The following CARMIL2 variants were observed in gnomAD, a reference collection of about 807,000 sequenced individuals.
CARMIL2 encodes capping protein regulator and myosin 1 linker 2.
CARMIL2 carries 96 observed loss-of-function variants against 173.3 expected under a neutral mutation model. The observed-to-expected ratio is 0.55, with a 90% CI of 0.47 to 0.66. The LOEUF is 0.66. Ranked by LOEUF, CARMIL2 falls within the 30% of genes least tolerant of loss-of-function variation. The pLI is 0.00. For synonymous variants in CARMIL2, 830 were observed against 817.1 expected, an observed-to-expected ratio of 1.02 and a Z score of -0.27; for missense variants, 1,771 against 1,906.7, an observed-to-expected ratio of 0.93 and a Z score of 1.33.
Position 67,656,030 on chromosome 16 carries a change from G to A in CARMIL2, c.3706-1G>A, listed in dbSNP as rs113546812. 6.3e-7 allele frequency: 1 copy of A among 1,594,178 alleles called. No homozygotes were observed. The highest frequency in any genetic ancestry group is 1.3e-5 in the African/African-American group (1 of 74,690). On this transcript the variant is annotated splice_acceptor_variant, in intron 32 of 37. Coordinates refer to ENST00000334583, the MANE Select transcript of CARMIL2 (RefSeq NM_001013838.3). LOFTEE classifies it high-confidence loss of function. The stretch of plus-strand genomic sequence containing the variant: ...GAATCTGATTGCCCTGTTTCCTGCA[G>A]AGCAAAGATGGCGAGATCAAGAAAG...
In CARMIL2 at chr16:67,647,891, A is replaced by T; in HGVS notation, c.1004A>T (p.Asp335Val). 6.2e-7 allele frequency: 1 copy of T among 1,608,892 alleles called. No homozygotes were observed. Among genetic ancestry groups the T allele is most frequent in the Non-Finnish European group, 8.5e-7 (1 of 1,178,164 alleles). The change falls in exon 13 of 38, where the codon GAC becomes GTC. Residue 335 changes from aspartate (D) to valine (V), a missense_variant. Physicochemically the swap from Asp to Val is radical, Grantham distance 152. Coordinates refer to ENST00000334583, the MANE Select transcript of CARMIL2 (RefSeq NM_001013838.3). ...GRALATNAAF[D>V]STLTHLDLSG... ...GCACTGGCCACCAATGCCGCCTTCG[A>T]CTCCACCCTGACCCACCTGGACCTT...
At chr16:67,656,106 G>C in intron 33 of CARMIL2, 39 bp downstream of exon 33, 1 of 1,610,442 alleles carries the variant, frequency 6.2e-7, no homozygotes, top group Non-Finnish European at 8.5e-7. Flanking sequence ...CATTTGCCAG[G>C]AGGTGTCCTT....
chr16:67,655,132 T>C (rs965645652), intron 32 of CARMIL2, among the ~76,000 whole-genome samples: 3 of 152,228 alleles, frequency 2.0e-5, no homozygotes, highest in Non-Finnish European at 2.9e-5. Flanking sequence ...GCAGGTCTAA[T>C]AGAAATCTGA....
Position 67,647,742 on chromosome 16 carries a change from G to T in CARMIL2, c.934G>T (p.Ala312Ser). ...CPGALRRLSL[A>S]QTGLTPRGMR... ...AGGAGCCCTGAGGAGACTCAGCCTGGCCCAGACAGGGTTGACACCGCGAGG... is the reference window on the plus strand; with the variant it reads ...AGGAGCCCTGAGGAGACTCAGCCTGTCCCAGACAGGGTTGACACCGCGAGG... Residue 312 changes from alanine (A) to serine (S), a missense_variant, in exon 12 of 38, where the codon GCC becomes TCC. By Grantham distance (99) the Ala-to-Ser change is moderately conservative. This residue lies in a region of CARMIL2 where 944 missense variants were observed against 975.6 expected (regional missense o/e 0.97). Transcript: ENST00000334583. The T allele has an allele frequency of 7.5e-7, 1 of 1,329,746 alleles. No homozygotes were observed. Among genetic ancestry groups the T allele is most frequent in the East Asian group, 5.1e-5 (1 of 19,612 alleles). 82.4% of individuals were successfully genotyped at this position (1,329,746 alleles called of 1,614,324 possible). A position where few individuals can be genotyped will look rare whatever the true frequency, so the allele number is the denominator to read the frequency against.
Position 67,656,432 on chromosome 16 carries a change from T to C in CARMIL2, c.3823T>C (p.Cys1275Arg). ...RTHSVSADPS[C>R]RPGPGSQGPE... Reference sequence around the variant, plus strand: ...CACCTTTCTCCCTACAGACCCTTCCTGCAGACCTGGCCCAGGGAGCCAGGG... The same window carrying C: ...CACCTTTCTCCCTACAGACCCTTCCCGCAGACCTGGCCCAGGGAGCCAGGG... Residue 1275 changes from cysteine (C) to arginine (R), a missense_variant, in exon 35 of 38, where the codon TGC becomes CGC. Around this residue, in one of 3 missense-constraint regions of CARMIL2, gnomAD observed 817 missense variants for 903.5 expected, o/e 0.90. Transcript: ENST00000334583. 1 of 1,609,386 alleles carries C rather than the reference T, an allele frequency of 6.2e-7. No homozygotes were observed. The highest frequency in any genetic ancestry group is 8.5e-7 in the Non-Finnish European group (1 of 1,177,188).
At position 67,647,183 on chromosome 16, in the gene CARMIL2, A is replaced by G; in HGVS notation, c.679A>G (p.Met227Val). Residue 227 changes from methionine (M) to valine (V), a missense_variant, in exon 9 of 38, where the codon ATG becomes GTG. This residue lies in a region of CARMIL2 where 944 missense variants were observed against 975.6 expected (regional missense o/e 0.97). Coordinates refer to ENST00000334583, the MANE Select transcript of CARMIL2 (RefSeq NM_001013838.3). ...LWFRCLSCVD[M>V]KLSLEVSEQI... Reference sequence around the variant, plus strand: ...GTTCCGGTGCCTCTCCTGTGTGGACATGAAGCTGGTGAGGGGGTTCGGGGT... The same window carrying G: ...GTTCCGGTGCCTCTCCTGTGTGGACGTGAAGCTGGTGAGGGGGTTCGGGGT... 1 of 1,613,760 alleles carries G rather than the reference A, an allele frequency of 6.2e-7. No individual in the cohort carries two copies. The highest frequency in any genetic ancestry group is 8.5e-7 in the Non-Finnish European group (1 of 1,179,836).
rs1295715062 is a variant in CARMIL2, at chr16:67,648,405, C to T, written c.1342C>T (p.Arg448Cys). ...SRNVFSRTKS[R>C]AAPAALQLFL... ...CCTTCCCACTTCCCCCAGGAAGTCC[C>T]GCGCCGCGCCGGCCGCGCTGCAGCT... Residue 448 changes from arginine to cysteine, a missense_variant, in exon 15 of 38, where the codon CGC (arginine) becomes TGC (cysteine). Arg to Cys is a radical substitution (Grantham distance 180). Transcript: ENST00000334583. The surrounding 1 kb of genome is among the most constrained non-coding windows in gnomAD (Gnocchi z 6.1). The T allele has an allele frequency of 3.9e-5, 60 of 1,526,532 alleles. No homozygotes were observed. The highest frequency in any genetic ancestry group is 4.6e-5 in the Non-Finnish European group (53 of 1,143,210). The allele number at this position is 1,526,532 out of a possible 1,614,324, so 94.6% of individuals were successfully genotyped here. A position where few individuals can be genotyped will look rare whatever the true frequency, so the allele number is the denominator to read the frequency against.
rs767034686 is a variant in CARMIL2, at chr16:67,652,381, C to T, written c.2817+42C>T. The T allele has an allele frequency of 3.1e-6, 5 of 1,611,888 alleles. No individual in the cohort carries two copies. In the South Asian group the frequency reaches 3.3e-5, roughly 11 times the overall value. ...CACGGGGCATGGCACTCCCAGTCTT[C>T]CCATCTTGCTGTGGAGTGTGGAAGG... On this transcript the variant is annotated intron_variant, in intron 27 of 37. Coordinates refer to ENST00000334583, the MANE Select transcript of CARMIL2 (RefSeq NM_001013838.3). The surrounding 1 kb of genome is among the most constrained non-coding windows in gnomAD (Gnocchi z 4.7).
At chr16:67,647,628 GGGT>G in intron 11 of CARMIL2, 26 bp downstream of exon 11, 1 of 1,603,878 alleles carries the variant, frequency 6.2e-7, no homozygotes, top group South Asian at 1.1e-5. Flanking sequence ...GGGACCGCAG[GGGT>G]GGGCAGCAGG....
rs749402635 is a variant in CARMIL2 at position 67,652,329 on chromosome 16, A to G, written c.2807A>G (p.Glu936Gly). ...GLFFPEEKEE[E>G]KEKDDSPPQK... ...TTCTTCCCCGAGGAGAAGGAAGAGG[A>G]GAAGGAGAAGGTAAGTGGTTTTAGA... Residue 936 changes from glutamate to glycine, a missense_variant, in exon 27 of 38, where the codon GAG (glutamate) becomes GGG (glycine). This residue lies in a region of CARMIL2 where 817 missense variants were observed against 903.5 expected (regional missense o/e 0.90). Transcript: ENST00000334583. The surrounding 1 kb of genome is among the most constrained non-coding windows in gnomAD (Gnocchi z 4.7). 1 of 1,581,120 alleles carries G rather than the reference A, an allele frequency of 6.3e-7. No homozygotes were observed. Among genetic ancestry groups the G allele is most frequent in the Admixed American group, 1.7e-5 (1 of 59,248 alleles).
rs762560313 is a variant in CARMIL2 at position 67,645,261 on chromosome 16, C to G, written c.15C>G (p.Pro5=). 36 of 1,602,698 alleles carry G rather than the reference C, an allele frequency of 2.2e-5. No homozygotes were observed. Among genetic ancestry groups the G allele is most frequent in the Non-Finnish European group, 3.1e-5 (36 of 1,175,490 alleles). Residue 5 remains proline, a synonymous_variant, in exon 1 of 38, where the codon CCC becomes CCG. Coordinates refer to ENST00000334583, the MANE Select transcript of CARMIL2 (RefSeq NM_001013838.3). MAQT[P]DGISCELRGE... Reference sequence around the variant, plus strand: ...CCGCCCGGCCCATGGCCCAGACCCCCGACGGCATCTCCTGTGAGCTCCGAG... The same window carrying G: ...CCGCCCGGCCCATGGCCCAGACCCCGGACGGCATCTCCTGTGAGCTCCGAG...
In CARMIL2 at chr16:67,648,451, C is replaced by G. The variant is rs574115872; in HGVS notation, c.1388C>G (p.Thr463Arg). The change falls in exon 15 of 38, where the codon ACG becomes AGG. Residue 463 changes from threonine (T) to arginine (R), a missense_variant. Physicochemically the swap from Thr to Arg is moderately conservative, Grantham distance 71 (BLOSUM62 -1). Around this residue, in one of 3 missense-constraint regions of CARMIL2, gnomAD observed 944 missense variants for 975.6 expected, o/e 0.97. Coordinates refer to ENST00000334583, the MANE Select transcript of CARMIL2 (RefSeq NM_001013838.3). This position sits in a 1 kb window ranked among gnomAD's most constrained non-coding sequence, Gnocchi z 6.1. ...CAGCTCTTCCTCAGCCGCGCGCGGACGCTGCGGCACCTGGGCCTGGCGGGC... is the reference window on the plus strand; with the variant it reads ...CAGCTCTTCCTCAGCCGCGCGCGGAGGCTGCGGCACCTGGGCCTGGCGGGC... ...ALQLFLSRAR[T>R]LRHLGLAGCK... The G allele has an allele frequency of 7.6e-6, 11 of 1,449,860 alleles. No individual in the cohort carries two copies. In the South Asian group the frequency reaches 1.1e-4, roughly 15 times the overall value. The allele number at this position is 1,449,860 out of a possible 1,614,324, so 89.8% of individuals were successfully genotyped here. A position where few individuals can be genotyped will look rare whatever the true frequency, so the allele number is the denominator to read the frequency against.
At chr16:67,654,998 T>A in intron 32 of CARMIL2, 98 bp downstream of exon 32, 1 of 1,459,220 alleles carries the variant, frequency 6.9e-7, no homozygotes, top group Non-Finnish European at 9.4e-7. Flanking sequence ...CAGATAGGTC[T>A]AATTGTCAGT....
chr16:67,656,741 A>G (rs1597763744), intron 35 of CARMIL2, 60 bp from the exon 36 acceptor site: 1 of 1,557,044 alleles, frequency 6.4e-7, no homozygotes, highest in South Asian at 1.2e-5. Flanking sequence ...TGAGGGTGGG[A>G]GGCAAGGGCT....
rs2142962971 is a variant in CARMIL2 at position 67,657,288 on chromosome 16, A to G, written c.4167A>G (p.Lys1389=). 1.2e-6 allele frequency: 2 copies of G among 1,613,398 alleles called. No homozygotes were observed. Among genetic ancestry groups the G allele is most frequent in the Non-Finnish European group, 1.7e-6 (2 of 1,179,730 alleles). ...QRSPVLKRRP[K]LEAPPSPSLG... is the part of the protein sequence containing the mutation. ...CCCCCGTCCTCAAACGCAGGCCAAA[A>G]CTCGAGGCACCTCCATCCCCAAGCC... Residue 1389 remains lysine (K), a synonymous_variant, in exon 37 of 38, where the codon AAA becomes AAG. Coordinates refer to ENST00000334583, the MANE Select transcript of CARMIL2 (RefSeq NM_001013838.3). The surrounding 1 kb of genome is among the most constrained non-coding windows in gnomAD (Gnocchi z 4.5).
At position 67,656,068 on chromosome 16, in the gene CARMIL2, G is replaced by T; in HGVS notation, c.3742+1G>T. On this transcript the variant is annotated splice_donor_variant, in intron 33 of 37. Coordinates refer to ENST00000334583, the MANE Select transcript of CARMIL2 (RefSeq NM_001013838.3). LOFTEE classifies it high-confidence loss of function. ...GAGATCAAGAAAGCTGGCTCAGATG[G>T]TAAGTGGGACCCTGGGGTGTGGCAG... is the stretch of plus-strand genomic sequence containing the variant. The T allele has an allele frequency of 1.2e-6, 2 of 1,605,436 alleles. No individual in the cohort carries two copies. The highest frequency in any genetic ancestry group is 8.5e-7 in the Non-Finnish European group (1 of 1,175,908).
Position 67,648,960 on chromosome 16 carries a change from A to T in CARMIL2, c.1577A>T (p.Asp526Val). The T allele has an allele frequency of 6.2e-7, 1 of 1,609,666 alleles. No individual in the cohort carries two copies. The highest frequency in any genetic ancestry group is 8.5e-7 in the Non-Finnish European group (1 of 1,178,244). The change falls in exon 17 of 38, where the codon GAT becomes GTT. Residue 526 changes from aspartate to valine, a missense_variant. Physicochemically the swap from Asp to Val is radical, Grantham distance 152 (BLOSUM62 -3). Transcript: ENST00000334583. This position sits in a 1 kb window ranked among gnomAD's most constrained non-coding sequence, Gnocchi z 6.1. ...GACGCAGGCGCTGTGAGCTCCCTGG[A>T]TCTGGCGGATAACGGTGAGGCTGCA... is the stretch of plus-strand genomic sequence containing the variant. The part of the protein sequence containing the change: ...VCDAGAVSSL[D>V]LADNGFGSDM...
In CARMIL2 at chr16:67,654,878, G is replaced by A. The variant is rs2052811987; in HGVS notation, c.3683G>A (p.Gly1228Asp). 1 of 1,613,766 alleles carries A rather than the reference G, an allele frequency of 6.2e-7. No individual in the cohort carries two copies. ...ATAGGCGTCAGCCGAGGCAGCGGGG[G>A]TGCCGAAGGCAAGAGGAAGCAAGTG... The part of the protein sequence containing the change: ...QRIGVSRGSG[G>D]AEGKRKQSKD... Residue 1228 changes from glycine to aspartate, a missense_variant, in exon 32 of 38, where the codon GGT becomes GAT. Physicochemically the swap from Gly to Asp is moderately conservative, Grantham distance 94. Coordinates refer to ENST00000334583, the MANE Select transcript of CARMIL2 (RefSeq NM_001013838.3).
Position 67,647,914 on chromosome 16 carries a change from CT to C in CARMIL2, c.1030del (p.Ser344LeufsTer20). On this transcript the variant is annotated frameshift_variant, in exon 13 of 38. Coordinates refer to ENST00000334583, the MANE Select transcript of CARMIL2 (RefSeq NM_001013838.3). LOFTEE classifies it high-confidence loss of function. ...AFDSTLTHLDLSGNPGALGAS... is the reference protein window; with the variant it reads ...AFDSTLTHLDXSGNPGALGAS... ...CGACTCCACCCTGACCCACCTGGAC[CT>C]TTCTGGGAATCCTGGGGCGCTGGGG... 6.2e-7 allele frequency: 1 copy of C among 1,611,454 alleles called. No homozygotes were observed. Among genetic ancestry groups the C allele is most frequent in the East Asian group, 2.2e-5 (1 of 44,846 alleles).
Sources: allele counts gnomAD v4.1 joint callset (sites outside exome capture counted in the v4.1 genomes callset), GRCh38; gene constraint gnomAD v4.1.1; regional missense constraint gnomAD v4.1.1; non-coding constraint Gnocchi (gnomAD v3.1); transcripts MANE v1.5; gene names NCBI Gene and HGNC (gene_info 2026-07-23, HGNC 2026-07-21).